BAZ1A: variants seen among roughly 807,000 people sequenced by gnomAD.
The protein encoded by BAZ1A is bromodomain adjacent to zinc finger domain protein 1A.
In BAZ1A, 50 loss-of-function variants were observed where a neutral mutation model predicts 185.2. The ratio of observed to expected loss-of-function variants is 0.27; its 90% CI spans 0.22 to 0.34. The LOEUF is 0.34. Ranked by LOEUF, BAZ1A falls within the 10% of genes least tolerant of loss-of-function variation. The pLI is 1.00. For missense variants in BAZ1A, 1,356 were observed against 1,839.9 expected, an observed-to-expected ratio of 0.74 and a Z score of 4.81; for synonymous variants, 571 against 615.6, an observed-to-expected ratio of 0.93 and a Z score of 1.07.
At chr14:34,772,258 A>G (rs895591628) in intron 20 of BAZ1A, among the ~76,000 whole-genome samples, 31 of 151,970 alleles carry the variant, frequency 2.0e-4, no homozygotes, top group Admixed American at 6.6e-5. Context: ...CTGGCCTAAA[A>G]TGATCATTTT....
intron 15 of BAZ1A, 79 bp from the exon 16 acceptor site, chr14:34,783,311 T>C (rs200988790): frequency 6.1e-6 from 5 of 816,214 alleles, no homozygotes; most frequent in Non-Finnish European, 9.9e-6. Flanking sequence ...TTTAATCAAA[T>C]CATGGAAAGT....
At chr14:34,849,872 C>T (rs560362413) in intron 3 of BAZ1A, among the ~76,000 whole-genome samples, 2 of 152,354 alleles carry the variant, frequency 1.3e-5, no homozygotes, top group South Asian at 2.1e-4. Flanking sequence ...CTGCCACAAA[C>T]TCTTTCAGCT....
intron 26 of BAZ1A, among the ~76,000 whole-genome samples, chr14:34,754,594 C>A (rs571459484): frequency 6.6e-6 from 1 of 152,132 alleles, no homozygotes; most frequent in Non-Finnish European, 1.5e-5. Flanking sequence ...TGAGTAAGAT[C>A]AGATCTATAA....
At chr14:34,786,668 C>A (rs1231767350) in intron 12 of BAZ1A, 1 of 128,748 alleles carries the variant, frequency 7.8e-6, no homozygotes, top group Non-Finnish European at 1.5e-5. Flanking sequence ...AGTGCAGTGG[C>A]ACGATCTCGG....
chr14:34,822,261 TCCAG>T (rs1417200696), intron 4 of BAZ1A, among the ~76,000 whole-genome samples: 2 of 152,114 alleles, frequency 1.3e-5, no homozygotes, highest in African/African-American at 4.8e-5. Flanking sequence ...ACCACTGCAT[TCCAG>T]CCTGGGTGAC....
At chr14:34,872,941 A>AAACAAAAAAAAAAAAAAC (rs1555346584) in intron 2 of BAZ1A, among the ~76,000 whole-genome samples, 4 of 122,620 alleles carry the variant, frequency 3.3e-5, no homozygotes, top group Admixed American at 8.4e-5. Context: ...AAAAAAAAAA[A>AAACAAAAAAAAAAAAAAC]CTTGTCCAAT....
At position 34,875,336 on chromosome 14, in the gene BAZ1A, T is replaced by A. The variant is rs1295728537; in HGVS notation, c.-257A>T. The A allele has an allele frequency of 2.2e-6, 1 of 456,058 alleles. No individual in the cohort carries two copies. 28.3% of individuals were successfully genotyped at this position (456,058 alleles called of 1,614,324 possible). Reference sequence around the variant, plus strand: ...CCGCCTCTCGGAGCTCCTGGGAAGTTTCTGATCTACTTTCGGCTCTGAAGG... The same window carrying A: ...CCGCCTCTCGGAGCTCCTGGGAAGTATCTGATCTACTTTCGGCTCTGAAGG... On this transcript the variant is annotated 5_prime_UTR_variant, in exon 1 of 27. Transcript: ENST00000360310.
chr14:34,795,242 T>C (rs967092984), intron 10 of BAZ1A, among the ~76,000 whole-genome samples: 1 of 152,210 alleles, frequency 6.6e-6, no homozygotes, highest in African/African-American at 2.4e-5. Context: ...ACCTTCAATG[T>C]AGTAGCTCCT....
intron 20 of BAZ1A, among the ~76,000 whole-genome samples, chr14:34,772,727 G>A (rs953169502): frequency 1.3e-5 from 2 of 152,158 alleles, no homozygotes; most frequent in Non-Finnish European, 2.9e-5. Flanking sequence ...CGATGGAATA[G>A]ATGGGACTAC....
Position 34,774,475 on chromosome 14 carries a change from T to G in BAZ1A, c.2849A>C (p.Asp950Ala). 1 of 1,599,052 alleles carries G rather than the reference T, an allele frequency of 6.3e-7. No individual in the cohort carries two copies. Among genetic ancestry groups the G allele is most frequent in the Non-Finnish European group, 8.5e-7 (1 of 1,174,170 alleles). ...KFHFSDKPQP[D>A]SKPTYSRGRS... ...TCCCCGACTATATGTTGGTTTGCTA[T>G]CAGGCTGAGGTTTGTCTGAAATAGT... The change falls in exon 19 of 27, where the codon GAT (aspartate) becomes GCT (alanine). Residue 950 changes from aspartate (D) to alanine (A), a missense_variant. By Grantham distance (126) the Asp-to-Ala change is moderately radical. Coordinates refer to ENST00000360310, the MANE Select transcript of BAZ1A (RefSeq NM_013448.3).
At chr14:34,768,185 T>C (rs1878975990) in intron 21 of BAZ1A, among the ~76,000 whole-genome samples, 2 of 152,130 alleles carry the variant, frequency 1.3e-5, no homozygotes, top group Admixed American at 1.3e-4. Flanking sequence ...ATTAAAAGGA[T>C]CTTACTAATA....
chr14:34,840,006 G>A (rs1232843335), intron 3 of BAZ1A, among the ~76,000 whole-genome samples: 1 of 152,004 alleles, frequency 6.6e-6, no homozygotes, highest in Non-Finnish European at 1.5e-5. Flanking sequence ...AAGAGTGAAA[G>A]TAACACATTT....
intron 12 of BAZ1A, among the ~76,000 whole-genome samples, chr14:34,791,124 A>C (rs1275515949): frequency 7.2e-6 from 1 of 138,424 alleles, no homozygotes; most frequent in Non-Finnish European, 1.6e-5. Context: ...CTCTGTCTCA[A>C]AAAAGAAAAG....
chr14:34,755,104 T>C (rs983813011), intron 25 of BAZ1A, among the ~76,000 whole-genome samples, 190 bp from the exon 26 acceptor site: 7 of 152,226 alleles, frequency 4.6e-5, no homozygotes, highest in South Asian at 2.1e-4. Flanking sequence ...TATATCTATA[T>C]AGATATCGCG....
chr14:34,860,707 G>C (rs975245951), intron 3 of BAZ1A, among the ~76,000 whole-genome samples: 6 of 151,824 alleles, frequency 4.0e-5, no homozygotes, highest in Non-Finnish European at 8.8e-5. Context: ...AGGAGTTCAA[G>C]ACCAGCCTGA....
In BAZ1A at chr14:34,765,004, TAAG is replaced by T. The variant is rs771599911; in HGVS notation, c.3549+14_3549+16del. 4.3e-6 allele frequency: 7 copies of T among 1,613,116 alleles called. No individual in the cohort carries two copies. The highest frequency in any genetic ancestry group is 3.3e-5 in the Admixed American group (2 of 59,752). On this transcript the variant is annotated intron_variant, in intron 22 of 26. Transcript: ENST00000360310. ...TCTTAATGTCTCATTTCTAATCTGA[TAAG>T]AAGAAAAAAATACCTTGAGCTTTGG...
At chr14:34,768,791 A>T in intron 21 of BAZ1A, 1 of 417,030 alleles carries the variant, frequency 2.4e-6, no homozygotes, top group South Asian at 1.8e-5. Flanking sequence ...CTAATTTCAA[A>T]CTGATATAGT....
At chr14:34,869,921 CCA>C (rs1304878821) in intron 2 of BAZ1A, among the ~76,000 whole-genome samples, 1 of 152,198 alleles carries the variant, frequency 6.6e-6, no homozygotes, top group Non-Finnish European at 1.5e-5. Context: ...GGTTGAAAGA[CCA>C]CACGGTAACT....
chr14:34,801,181 C>G lies in BAZ1A; in HGVS notation c.874G>C (p.Ala292Pro), dbSNP rs1343958484. The G allele has an allele frequency of 6.2e-7, 1 of 1,602,372 alleles. No homozygotes were observed. The highest frequency in any genetic ancestry group is 8.5e-7 in the Non-Finnish European group (1 of 1,176,120). Residue 292 changes from alanine to proline, a missense_variant, in exon 8 of 27, where the codon GCT becomes CCT. Around this residue, in one of 7 missense-constraint regions of BAZ1A, gnomAD observed 332 missense variants for 395.3 expected, o/e 0.84. Transcript: ENST00000360310. ...TAACTTGCAAGAGTCTGTTTATTAG[C>G]AACATTGTCCTCCTAAAAAACAAAC... ...RIHISQEDNV[A>P]NKQTLASYRS...
Sources: gnomAD v4.1 joint callset for allele counts (sites outside exome capture counted in the v4.1 genomes callset) on GRCh38, gnomAD v4.1.1 for gene constraint, gnomAD v4.1.1 regional missense constraint, MANE v1.5 for transcripts, NCBI Gene and HGNC (gene_info 2026-07-23, HGNC 2026-07-21) for gene names.